The following FOCAD variants were observed in gnomAD, a reference collection of about 807,000 sequenced individuals.
FOCAD encodes focadhesin.
A neutral mutation model predicts 225.6 loss-of-function variants in FOCAD; 198 were observed. That is an observed-to-expected ratio of 0.88 (90% confidence interval 0.78 to 0.99). The LOEUF (loss-of-function observed/expected upper bound fraction) is 0.99, where lower values mean the gene tolerates loss of function less well. FOCAD is among the 50% of genes least tolerant of loss of function. The pLI is 0.00. For synonymous variants in FOCAD, 897 were observed against 755.0 expected, an observed-to-expected ratio of 1.19 and a Z score of -3.08; for missense variants, 2,713 against 2,123.6, an observed-to-expected ratio of 1.28 and a Z score of -5.46.
intron 1 of FOCAD, among the ~76,000 whole-genome samples, chr9:20,685,993 T>TC (rs1822642860): frequency 6.6e-6 from 1 of 152,154 alleles, no homozygotes; most frequent in Non-Finnish European, 1.5e-5. Context: ...TTGGCCTTTT[T>TC]CCCCGTTTAA....
At chr9:20,899,953 C>T (rs1305841281) in intron 21 of FOCAD, among the ~76,000 whole-genome samples, 2 of 151,842 alleles carry the variant, frequency 1.3e-5, no homozygotes, top group African/African-American at 4.8e-5. Flanking sequence ...TCTCTCTGCT[C>T]CTCTGTACAG....
intron 8 of FOCAD, among the ~76,000 whole-genome samples, chr9:20,775,790 T>G (rs1261155557): frequency 6.6e-6 from 1 of 152,224 alleles, no homozygotes; most frequent in Non-Finnish European, 1.5e-5. Context: ...CAGGTTGTTT[T>G]CTGTTACTGG....
At chr9:20,981,341 C>T in intron 37 of FOCAD, 85 bp from the exon 38 acceptor site, 3 of 1,465,266 alleles carry the variant, frequency 2.0e-6, no homozygotes, top group Middle Eastern at 2.3e-4. Context: ...AGTCTACCCT[C>T]AAACACAGTG....
At chr9:20,734,495 T>C (rs1296037794) in intron 4 of FOCAD, among the ~76,000 whole-genome samples, 3 of 152,234 alleles carry the variant, frequency 2.0e-5, no homozygotes, top group Non-Finnish European at 4.4e-5. Context: ...TGGTAATTTT[T>C]CCATGTCACA....
At chr9:20,668,859 C>T (rs561842048) in intron 2 of FOCAD, among the ~76,000 whole-genome samples, 4 of 151,872 alleles carry the variant, frequency 2.6e-5, no homozygotes, top group Non-Finnish European at 4.4e-5. Flanking sequence ...GAGTGGTGAT[C>T]ACACCAGACA....
At chr9:20,692,139 T>C (rs192946164) in intron 1 of FOCAD, among the ~76,000 whole-genome samples, 1 of 152,324 alleles carries the variant, frequency 6.6e-6, no homozygotes, top group Non-Finnish European at 1.5e-5. Flanking sequence ...TGACTCCGTA[T>C]ATCCAGTGAC....
chr9:20,976,686 G>T (rs1840262093), intron 36 of FOCAD, 138 bp downstream of exon 36: 6 of 938,700 alleles, frequency 6.4e-6, no homozygotes, highest in Admixed American at 4.2e-5. Context: ...GGATGGAATG[G>T]CTGGGTTACT....
At chr9:20,698,651 G>GGT (rs569196764) in intron 1 of FOCAD, among the ~76,000 whole-genome samples, 1 of 152,236 alleles carries the variant, frequency 6.6e-6, no homozygotes, top group East Asian at 1.9e-4. Context: ...TGGGATTACA[G>GGT]GTGTGAGCCA....
intron 43 of FOCAD, 121 bp from the exon 44 acceptor site, chr9:20,995,435 T>G (rs1163097244): frequency 1.9e-6 from 1 of 539,968 alleles, no homozygotes; most frequent in East Asian, 3.3e-5. Flanking sequence ...TGCCAAAATA[T>G]CGATGGAACT....
chr9:20,695,656 C>T (rs898988876), intron 1 of FOCAD, among the ~76,000 whole-genome samples: 2 of 152,120 alleles, frequency 1.3e-5, no homozygotes, highest in African/African-American at 4.8e-5. Flanking sequence ...GATTATCCAC[C>T]CATCTACCTA....
chr9:20,995,159 T>A (rs1335768456), intron 43 of FOCAD, among the ~76,000 whole-genome samples: 1 of 152,108 alleles, frequency 6.6e-6, no homozygotes, highest in African/African-American at 2.4e-5. Context: ...TATTCATTGT[T>A]GTTTTTTATC....
At chr9:20,832,694 C>T (rs571378765) in intron 15 of FOCAD, among the ~76,000 whole-genome samples, 1 of 152,096 alleles carries the variant, frequency 6.6e-6, no homozygotes, top group East Asian at 1.9e-4. Flanking sequence ...CCCTACCAGT[C>T]CTCCACTACC....
chr9:20,989,932 A>G (rs973335391), intron 41 of FOCAD, among the ~76,000 whole-genome samples, 191 bp from the exon 42 acceptor site: 5 of 152,222 alleles, frequency 3.3e-5, no homozygotes, highest in African/African-American at 7.2e-5. Context: ...CCCAAAATGT[A>G]TCTTCATTAA....
intron 25 of FOCAD, among the ~76,000 whole-genome samples, chr9:20,925,958 G>A (rs79872317): frequency 0.019 from 2,872 of 152,116 alleles, 93 homozygotes; most frequent in African/African-American, 0.065. Flanking sequence ...TATGTTTTTT[G>A]CACATCTGTC....
intron 35 of FOCAD, among the ~76,000 whole-genome samples, chr9:20,970,238 C>CT (rs1175754963): frequency 6.6e-6 from 1 of 151,922 alleles, no homozygotes; most frequent in African/African-American, 2.4e-5. Context: ...GGATTTGTGT[C>CT]TTTTTTATTA....
intron 11 of FOCAD, among the ~76,000 whole-genome samples, chr9:20,816,470 C>G (rs1384679003): frequency 6.6e-6 from 1 of 152,142 alleles, no homozygotes; most frequent in Non-Finnish European, 1.5e-5. Context: ...AGTCTCTGCA[C>G]TTGTTAAAAA....
At chr9:20,795,249 C>T (rs977649113) in intron 11 of FOCAD, among the ~76,000 whole-genome samples, 1 of 151,902 alleles carries the variant, frequency 6.6e-6, no homozygotes, top group African/African-American at 2.4e-5. Context: ...CTAAAATTTC[C>T]AAATAATATA....
chr9:20,861,609 G>A (rs889834803), intron 15 of FOCAD, among the ~76,000 whole-genome samples: 10 of 152,080 alleles, frequency 6.6e-5, no homozygotes, highest in Non-Finnish European at 1.5e-4. Context: ...TTCTTAATCT[G>A]TCTCCTTAAG....
chr9:20,980,352 C>CT (rs2132619187), intron 37 of FOCAD, among the ~76,000 whole-genome samples: 1 of 152,230 alleles, frequency 6.6e-6, no homozygotes, highest in African/African-American at 2.4e-5. Flanking sequence ...CTATTCACTC[C>CT]TTCTTACTTT....
Sources: gnomAD v4.1 joint callset for allele counts (sites outside exome capture counted in the v4.1 genomes callset) on GRCh38, gnomAD v4.1.1 for gene constraint, MANE v1.5 for transcripts, NCBI Gene and HGNC (gene_info 2026-07-23, HGNC 2026-07-21) for gene names.